Variants in RNF4 observed in about 807,000 individuals in gnomAD.
RNF4 encodes E3 ubiquitin-protein ligase RNF4.
RNF4 carries 7 observed loss-of-function variants against 24.3 expected under a neutral mutation model. The observed-to-expected ratio is 0.29, with a 90% confidence interval of 0.16 to 0.54. The LOEUF (loss-of-function observed/expected upper bound fraction) is 0.54. RNF4 is among the 20% of genes least tolerant of loss of function. The pLI is 0.95. For synonymous variants in RNF4, 83 were observed against 84.3 expected, an observed-to-expected ratio of 0.98 and a Z score of 0.09; for missense variants, 209 against 248.5, an observed-to-expected ratio of 0.84 and a Z score of 1.07.
intron 1 of RNF4, among the ~76,000 whole-genome samples, chr4:2,484,067 T>TCTCC (rs1735327120): frequency 7.5e-5 from 1 of 13,248 alleles, no homozygotes; most frequent in Non-Finnish European, 1.6e-4. Context: ...CCTCAGGTGA[T>TCTCC]CCCCCCCCGC....
chr4:2,490,615 C>T (rs574529160), intron 2 of RNF4, 113 bp downstream of exon 2: 1 of 1,136,758 alleles, frequency 8.8e-7, no homozygotes, highest in South Asian at 1.4e-5. Flanking sequence ...AGTAACCCCA[C>T]TTCTTGAAGG....
rs754355085 is a variant in RNF4 at position 2,513,078 on chromosome 4, C to G, written c.375-5C>G. On this transcript the variant is annotated splice_polypyrimidine_tract_variant and splice_region_variant and intron_variant, in intron 6 of 7. Coordinates refer to ENST00000314289, the MANE Select transcript of RNF4 (RefSeq NM_002938.5). ...AGAAACTAACGTGAAGCACTGTGCT[C>G]TTAGGCCCTCAGGTACTGTCAGTTG... The G allele has an allele frequency of 2.5e-6, 4 of 1,613,740 alleles. No individual in the cohort carries two copies. Among genetic ancestry groups the G allele is most frequent in the Non-Finnish European group, 3.4e-6 (4 of 1,179,672 alleles).
chr4:2,472,182 C>G (rs957976575), intron 1 of RNF4, among the ~76,000 whole-genome samples: 1 of 152,084 alleles, frequency 6.6e-6, no homozygotes, highest in African/African-American at 2.4e-5. Flanking sequence ...TCCTAGGGCC[C>G]TTAAGAAGTA....
At chr4:2,476,605 C>A (rs1213521257) in intron 1 of RNF4, among the ~76,000 whole-genome samples, 2 of 151,966 alleles carry the variant, frequency 1.3e-5, no homozygotes, top group Non-Finnish European at 2.9e-5. Context: ...TGTTGGCCAG[C>A]CTGTCTCGAA....
chr4:2,485,265 G>A (rs948363812), intron 1 of RNF4, among the ~76,000 whole-genome samples: 1 of 152,172 alleles, frequency 6.6e-6, no homozygotes, highest in Non-Finnish European at 1.5e-5. Flanking sequence ...TCCCCAGCCT[G>A]TGCATTGCAG....
intron 4 of RNF4, among the ~76,000 whole-genome samples, chr4:2,509,561 TTC>T (rs1390728770): frequency 5.3e-5 from 8 of 152,138 alleles, no homozygotes; most frequent in African/African-American, 1.9e-4. Flanking sequence ...GAAGCTGTTT[TTC>T]TCTCATTAAA....
intron 1 of RNF4, among the ~76,000 whole-genome samples, chr4:2,477,068 C>T (rs1735100206): frequency 6.6e-6 from 1 of 152,110 alleles, no homozygotes; most frequent in Non-Finnish European, 1.5e-5. Flanking sequence ...AAGCATGAGC[C>T]ACCATGCCCT....
chr4:2,483,558 C>T (rs1735304946), intron 1 of RNF4, among the ~76,000 whole-genome samples: 1 of 152,180 alleles, frequency 6.6e-6, no homozygotes, highest in Non-Finnish European at 1.5e-5. Flanking sequence ...AATCCCAGCA[C>T]TTTGGGAAGT....
intron 1 of RNF4, among the ~76,000 whole-genome samples, chr4:2,484,300 C>T (rs1415790656): frequency 6.6e-6 from 1 of 151,926 alleles, no homozygotes; most frequent in Non-Finnish European, 1.5e-5. Flanking sequence ...GCTGTGCTCC[C>T]CACTGCCCCT....
intron 1 of RNF4, among the ~76,000 whole-genome samples, chr4:2,479,314 G>A (rs1465021470): frequency 2.0e-5 from 3 of 152,206 alleles, no homozygotes; most frequent in Admixed American, 6.5e-5. Flanking sequence ...AATGAGTTAA[G>A]ACTTTGGGAC....
rs537396070 is a variant in RNF4 at position 2,493,540 on chromosome 4, G to A, written c.9+3038G>A. Among the ~76,000 whole-genome samples the A allele has an allele frequency of 1.2e-3, 187 of 151,902 alleles. 1 individual carries two copies. The highest frequency in any genetic ancestry group is 3.4e-3 in the Middle Eastern group (1 of 292). On this transcript the variant is annotated intron_variant, in intron 2 of 7. Transcript: ENST00000314289. ...TGGTGGATCACAAGGTCAGGAGTTC[G>A]AGACCAGCCTGGCCAACATGGTGAA...
At chr4:2,505,607 G>C (rs935788074) in intron 4 of RNF4, 2 of 151,518 alleles carry the variant, frequency 1.3e-5, no homozygotes, top group Non-Finnish European at 2.9e-5. Context: ...TTATAGGTGT[G>C]AGCCACCGCG....
At chr4:2,510,413 G>T (rs1445486186) in intron 4 of RNF4, among the ~76,000 whole-genome samples, 2 of 152,190 alleles carry the variant, frequency 1.3e-5, no homozygotes, top group Non-Finnish European at 2.9e-5. Context: ...ATATCTTTGG[G>T]TTCGTGTAGA....
At chr4:2,511,102 C>T (rs987678299) in intron 4 of RNF4, among the ~76,000 whole-genome samples, 2 of 152,232 alleles carry the variant, frequency 1.3e-5, no homozygotes, top group Non-Finnish European at 1.5e-5. Context: ...AGCATCATGC[C>T]CCTAGTGCTG....
intron 1 of RNF4, among the ~76,000 whole-genome samples, chr4:2,478,337 G>A (rs889434859): frequency 3.3e-5 from 5 of 152,240 alleles, no homozygotes; most frequent in African/African-American, 1.2e-4. Flanking sequence ...ATTAAAGCCA[G>A]CTGCAGAGAT....
intron 2 of RNF4, among the ~76,000 whole-genome samples, chr4:2,491,732 C>T: frequency 6.6e-6 from 1 of 151,724 alleles, no homozygotes; most frequent in Non-Finnish European, 1.5e-5. Context: ...CCGCACCCAG[C>T]CGTTTTTATT....
intron 4 of RNF4, among the ~76,000 whole-genome samples, chr4:2,508,223 ATTG>A (rs961728548): frequency 3.7e-4 from 56 of 152,196 alleles, no homozygotes; most frequent in African/African-American, 1.3e-3. Context: ...GGATTAGTTA[ATTG>A]TTGTTATTTC....
chr4:2,511,856 C>T, intron 4 of RNF4, 100 bp from the exon 5 acceptor site: 1 of 1,230,978 alleles, frequency 8.1e-7, no homozygotes, highest in South Asian at 1.3e-5. Flanking sequence ...GAGGGTTCCA[C>T]AGAGGGTGTC....
chr4:2,492,705 T>A (rs1735617645), intron 2 of RNF4, among the ~76,000 whole-genome samples: 1 of 152,150 alleles, frequency 6.6e-6, no homozygotes, highest in South Asian at 2.1e-4. Flanking sequence ...CACCCTCTTC[T>A]GTTACTTCCT....
Sources: gnomAD v4.1 joint callset for allele counts (sites outside exome capture counted in the v4.1 genomes callset) on GRCh38, gnomAD v4.1.1 for gene constraint, MANE v1.5 for transcripts, NCBI Gene and HGNC (gene_info 2026-07-23, HGNC 2026-07-21) for gene names.